The following DLC1 variants were observed in gnomAD, a reference collection of about 807,000 sequenced individuals.
The protein encoded by DLC1 is rho GTPase-activating protein 7.
In DLC1, 54 loss-of-function variants were observed where a neutral mutation model predicts 140.3. That is an observed-to-expected ratio of 0.38 (90% CI 0.31 to 0.48). The LOEUF is 0.48. Among genes scored for constraint, DLC1 ranks in the 20% least tolerant of loss-of-function variants. The probability of loss-of-function intolerance (pLI) is 0.96; values close to 1 mark genes in which losing one functional copy is unlikely to be tolerated. For synonymous variants in DLC1, 986 were observed against 728.1 expected, an observed-to-expected ratio of 1.35 and a Z score of -5.70; for missense variants, 2,536 against 1,907.0, an observed-to-expected ratio of 1.33 and a Z score of -6.14.
chr8:13,468,316 T>C (rs1800037014), intron 2 of DLC1, among the ~76,000 whole-genome samples: 1 of 143,420 alleles, frequency 7.0e-6, no homozygotes, highest in African/African-American at 2.5e-5. Flanking sequence ...TCCTTTCTTT[T>C]CTCTCTCTTT....
At chr8:13,220,441 G>A (rs1363005572) in intron 5 of DLC1, among the ~76,000 whole-genome samples, 1 of 152,176 alleles carries the variant, frequency 6.6e-6, no homozygotes, top group Non-Finnish European at 1.5e-5. Flanking sequence ...CTACAAATTT[G>A]ATCGAAGTAA....
intron 4 of DLC1, chr8:13,339,399 C>T (rs1833940325): frequency 6.6e-6 from 1 of 152,236 alleles, no homozygotes; most frequent in Admixed American, 6.5e-5. Context: ...ATAAATACAG[C>T]ATCATCTTTC....
intron 5 of DLC1, among the ~76,000 whole-genome samples, chr8:13,226,329 A>T (rs1380169653): frequency 6.6e-6 from 1 of 152,258 alleles, no homozygotes; most frequent in Admixed American, 6.5e-5. Flanking sequence ...TCACCTGTGT[A>T]ATATTCAGGT....
At chr8:13,512,401 C>G (rs561684550) in intron 1 of DLC1, among the ~76,000 whole-genome samples, 1 of 152,162 alleles carries the variant, frequency 6.6e-6, no homozygotes, top group African/African-American at 2.4e-5. Flanking sequence ...ATGAAATAGC[C>G]CACGCTCCCA....
Position 13,100,343 on chromosome 8 carries a change from C to G in DLC1, c.1994G>C (p.Arg665Pro). 1 of 1,614,198 alleles carries G rather than the reference C, an allele frequency of 6.2e-7. No individual in the cohort carries two copies. Among genetic ancestry groups the G allele is most frequent in the South Asian group, 1.1e-5 (1 of 91,082 alleles). Residue 665 changes from arginine (R) to proline (P), a missense_variant, in exon 9 of 18, where the codon CGC (arginine) becomes CCC (proline). Arg to Pro is a moderately radical substitution (Grantham distance 103, BLOSUM62 -2). Transcript: ENST00000276297. ...GCTCTCCATCCGTTTCAGCAGACTG[C>G]GCGTCTTGGACTTGGCAGTTTTTTC... ...GHEKTAKSKTRSLLKRMESLK... is the reference protein window; with the variant it reads ...GHEKTAKSKTPSLLKRMESLK...
chr8:13,512,220 A>C (rs1802404509), intron 1 of DLC1, among the ~76,000 whole-genome samples: 1 of 152,056 alleles, frequency 6.6e-6, no homozygotes, highest in Non-Finnish European at 1.5e-5. Context: ...CAGGAAACTC[A>C]ATCTGGTCAT....
At chr8:13,504,867 C>A (rs144017275) in intron 1 of DLC1, among the ~76,000 whole-genome samples, 21 of 151,790 alleles carry the variant, frequency 1.4e-4, no homozygotes, top group African/African-American at 4.6e-4. Context: ...CAAAAGGAAG[C>A]CAAGAATTCA....
At position 13,090,359 on chromosome 8, in the gene DLC1, G is replaced by A; in HGVS notation, c.3967C>T (p.His1323Tyr). The change falls in exon 15 of 18, where the codon CAC (histidine) becomes TAC (tyrosine). Residue 1323 changes from histidine to tyrosine, a missense_variant. By Grantham distance (83) the His-to-Tyr change is moderately conservative. Coordinates refer to ENST00000276297, the MANE Select transcript of DLC1 (RefSeq NM_182643.3). ...CCATCCACACAGTCCTGGAGGAAGTGTTGGTAGTCAGCTGAGTCATCATTA... is the reference window on the plus strand; with the variant it reads ...CCATCCACACAGTCCTGGAGGAAGTATTGGTAGTCAGCTGAGTCATCATTA... ...LGNDDSADYQ[H>Y]FLQDCVDGLF... 1 of 1,614,204 alleles carries A rather than the reference G, an allele frequency of 6.2e-7. No homozygotes were observed. The highest frequency in any genetic ancestry group is 1.7e-5 in the Admixed American group (1 of 60,016).
intron 2 of DLC1, among the ~76,000 whole-genome samples, chr8:13,448,516 C>T (rs1798899626): frequency 6.6e-6 from 1 of 152,054 alleles, no homozygotes; most frequent in Non-Finnish European, 1.5e-5. Context: ...GTGTGCGCCA[C>T]CACACCCGGC....
At chr8:13,196,882 T>G (rs1370611519) in intron 5 of DLC1, among the ~76,000 whole-genome samples, 1 of 152,238 alleles carries the variant, frequency 6.6e-6, no homozygotes, top group African/African-American at 2.4e-5. Context: ...GGTGTGAATT[T>G]GATTCTACTA....
Position 13,389,374 on chromosome 8 carries a change from C to T in DLC1, c.1314+4179G>A, listed in dbSNP as rs541564045. 3.2e-4 allele frequency among the ~76,000 whole-genome samples: 49 copies of T among 152,142 alleles called. No individual in the cohort carries two copies. In the South Asian group the frequency reaches 4.8e-3, roughly 15 times the overall value. Reference sequence around the variant, plus strand: ...TGTACTGTTGCACAGTGAATCAAAGCACTTTACATAACATGATACAAGGGC... The same window carrying T: ...TGTACTGTTGCACAGTGAATCAAAGTACTTTACATAACATGATACAAGGGC... On this transcript the variant is annotated intron_variant, in intron 4 of 17. Transcript: ENST00000276297.
intron 2 of DLC1, among the ~76,000 whole-genome samples, chr8:13,498,514 GT>G (rs1308248196): frequency 6.6e-6 from 1 of 152,104 alleles, no homozygotes; most frequent in Admixed American, 6.6e-5. Context: ...GTGTGCCAGG[GT>G]ATCACTTAAA....
intron 4 of DLC1, among the ~76,000 whole-genome samples, chr8:13,315,378 TG>T (rs1439825672): frequency 6.6e-6 from 1 of 152,222 alleles, no homozygotes; most frequent in Non-Finnish European, 1.5e-5. Flanking sequence ...AGTGGTAAAT[TG>T]TGTTAACATT....
intron 5 of DLC1, among the ~76,000 whole-genome samples, chr8:13,190,872 G>C (rs756262166): frequency 2.0e-5 from 3 of 152,122 alleles, no homozygotes; most frequent in African/African-American, 4.8e-5. Context: ...GTATCCTTGG[G>C]CCACTAACTC....
At chr8:13,174,274 A>G (rs1825645351) in intron 5 of DLC1, among the ~76,000 whole-genome samples, 1 of 152,162 alleles carries the variant, frequency 6.6e-6, no homozygotes. Context: ...GTCGATGAGC[A>G]CCTAGGTTGA....
At chr8:13,347,024 C>G (rs968788272) in intron 4 of DLC1, among the ~76,000 whole-genome samples, 1 of 152,134 alleles carries the variant, frequency 6.6e-6, no homozygotes, top group African/African-American at 2.4e-5. Flanking sequence ...TTATTAGTTA[C>G]TATTGTTAAT....
intron 2 of DLC1, among the ~76,000 whole-genome samples, chr8:13,436,115 A>T (rs1470787585): frequency 6.6e-6 from 1 of 152,242 alleles, no homozygotes; most frequent in Non-Finnish European, 1.5e-5. Context: ...TGCACTGGGA[A>T]ACCAAAATAC....
intron 4 of DLC1, among the ~76,000 whole-genome samples, chr8:13,384,569 A>G (rs1257048969): frequency 8.2e-6 from 1 of 122,026 alleles, no homozygotes; most frequent in African/African-American, 2.9e-5. Context: ...CTTCTAAAAA[A>G]TCATTTAATA....
intron 4 of DLC1, among the ~76,000 whole-genome samples, chr8:13,359,739 G>T (rs1835134108): frequency 6.6e-6 from 1 of 152,138 alleles, no homozygotes; most frequent in Admixed American, 6.5e-5. Context: ...GACATAAAAT[G>T]ATATAAAATA....
Sources: allele counts gnomAD v4.1 joint callset (sites outside exome capture counted in the v4.1 genomes callset), GRCh38; gene constraint gnomAD v4.1.1; transcripts MANE v1.5; gene names NCBI Gene and HGNC (gene_info 2026-07-23, HGNC 2026-07-21).